FAM186B: variants seen among roughly 807,000 people sequenced by gnomAD.
The protein encoded by FAM186B is family with sequence similarity 186 member B.
A neutral mutation model predicts 83.4 loss-of-function variants in FAM186B; 68 were observed. The observed-to-expected ratio is 0.81, with a 90% CI of 0.67 to 1.00. FAM186B has a LOEUF of 1.00. Among genes scored for constraint, FAM186B ranks in the 50% least tolerant of loss-of-function variants. FAM186B has a pLI of 0.00. For missense variants in FAM186B, 983 were observed against 1,099.2 expected (o/e 0.89, Z 1.49); for synonymous variants, 389 against 422.0 (o/e 0.92, Z 0.96).
At position 49,599,912 on chromosome 12, in the gene FAM186B, T is replaced by A. The variant is rs569309521; in HGVS notation, c.1728A>T (p.Leu576Phe). 1 of 1,613,224 alleles carries A rather than the reference T, an allele frequency of 6.2e-7. No individual in the cohort carries two copies. Among genetic ancestry groups the A allele is most frequent in the East Asian group, 2.2e-5 (1 of 44,878 alleles). ...WRDLEKAELS[L>F]VPAPSRTQSA... Reference sequence around the variant, plus strand: ...ATTGGGTCCGGCTTGGGGCAGGCACTAATGATAGCTCTGCCTTCTCCAAGT... The same window carrying A: ...ATTGGGTCCGGCTTGGGGCAGGCACAAATGATAGCTCTGCCTTCTCCAAGT... Residue 576 changes from leucine to phenylalanine, a missense_variant, in exon 4 of 7, where the codon TTA (leucine) becomes TTT (phenylalanine). Coordinates refer to ENST00000257894, the MANE Select transcript of FAM186B (RefSeq NM_032130.3).
chr12:49,596,562 A>G (rs542702915), intron 5 of FAM186B, among the ~76,000 whole-genome samples: 1 of 152,268 alleles, frequency 6.6e-6, no homozygotes, highest in South Asian at 2.1e-4. Flanking sequence ...GGGAAATGCA[A>G]ATCAAAACCA....
In FAM186B at chr12:49,600,450, A is replaced by G. The variant is rs1440235108; in HGVS notation, c.1190T>C (p.Val397Ala). 1 of 1,613,244 alleles carries G rather than the reference A, an allele frequency of 6.2e-7. No homozygotes were observed. Among genetic ancestry groups the G allele is most frequent in the East Asian group, 2.2e-5 (1 of 44,876 alleles). ...AGHQPLSTMT[V>A]RSRVADVFGS... ...GAACACATCTGCGACCCTCGAGCGC[A>G]CAGTCATGGTGGAAAGTGGCTGGTG... The change falls in exon 4 of 7, where the codon GTG becomes GCG. Residue 397 changes from valine to alanine, a missense_variant. Physicochemically the swap from Val to Ala is moderately conservative, Grantham distance 64. Transcript: ENST00000257894. This position sits in a 1 kb window ranked among gnomAD's most constrained non-coding sequence, Gnocchi z 4.3.
the FAM186B span, among the ~76,000 whole-genome samples, chr12:49,619,932 G>A: frequency 7.9e-5 from 12 of 151,778 alleles, no homozygotes; most frequent in African/African-American, 1.9e-4. Context: ...CACCCACCTC[G>A]GCCTCCCAAA....
upstream of FAM186B, among the ~76,000 whole-genome samples, chr12:49,606,486 G>GATAC (rs755611822): frequency 5.9e-5 from 8 of 135,994 alleles, no homozygotes; most frequent in African/African-American, 2.2e-4. Context: ...TAGATACCCT[G>GATAC]ACACACACAC....
In FAM186B at chr12:49,603,358, A is replaced by G; in HGVS notation, c.332T>C (p.Leu111Pro). 1 of 1,614,182 alleles carries G rather than the reference A, an allele frequency of 6.2e-7. No homozygotes were observed. The highest frequency in any genetic ancestry group is 8.5e-7 in the Non-Finnish European group (1 of 1,180,048). The stretch of plus-strand genomic sequence containing the variant: ...CTTCCTGGGCCCAATCTCATAGGTC[A>G]GAGTGTCACCTGGAGAAGGGATGGG... ...LRWLGDWGDT[L>P]TYEIGPRKSE... The change falls in exon 3 of 7, where the codon CTG (leucine) becomes CCG (proline). Residue 111 changes from leucine (L) to proline (P), a missense_variant. Coordinates refer to ENST00000257894, the MANE Select transcript of FAM186B (RefSeq NM_032130.3).
rs778422826 is a variant in FAM186B at position 49,600,739 on chromosome 12, C to T, written c.901G>A (p.Gly301Arg). The T allele has an allele frequency of 6.2e-6, 10 of 1,614,022 alleles. No homozygotes were observed. The highest frequency in any genetic ancestry group is 8.5e-6 in the Non-Finnish European group (10 of 1,179,994). Residue 301 changes from glycine (G) to arginine (R), a missense_variant, in exon 4 of 7, where the codon GGG (glycine) becomes AGG (arginine). Coordinates refer to ENST00000257894, the MANE Select transcript of FAM186B (RefSeq NM_032130.3). The surrounding 1 kb of genome is among the most constrained non-coding windows in gnomAD (Gnocchi z 4.3). ...AGGAGAAGGTCATGGTACCTTCCCC[C>T]TAAGATCTCTACCTGCTTCAGCAGA... ...DALLKQVEIL[G>R]GRYHDLLLMK...
chr12:49,617,927 AC>A, the FAM186B span, among the ~76,000 whole-genome samples: 5 of 152,152 alleles, frequency 3.3e-5, no homozygotes, highest in Admixed American at 3.3e-4. Context: ...CAGCGGCAGA[AC>A]TCTATGGCAA....
At chr12:49,606,837 C>A (rs925798257), upstream of FAM186B, among the ~76,000 whole-genome samples, 1 of 152,154 alleles carries the variant, frequency 6.6e-6, no homozygotes, top group Non-Finnish European at 1.5e-5. Context: ...ATTCCCTACG[C>A]ATATGGAACA....
chr12:49,604,623 G>C, intron 1 of FAM186B, 85 bp from the exon 2 acceptor site: 1 of 1,087,484 alleles, frequency 9.2e-7, no homozygotes, highest in South Asian at 1.4e-5. Flanking sequence ...TGGACAAGTC[G>C]CTTAGCCTCT....
chr12:49,603,372 A>G lies in FAM186B; in HGVS notation c.323-5T>C, dbSNP rs202214677. The G allele has an allele frequency of 9.3e-6, 15 of 1,613,886 alleles. No individual in the cohort carries two copies. Among genetic ancestry groups the G allele is most frequent in the African/African-American group, 2.7e-5 (2 of 74,888 alleles). ...TCTCATAGGTCAGAGTGTCACCTGG[A>G]GAAGGGATGGGAGGTGCAGGCTGAG... is the stretch of plus-strand genomic sequence containing the variant. On this transcript the variant is annotated splice_polypyrimidine_tract_variant and splice_region_variant and intron_variant, in intron 2 of 6. Coordinates refer to ENST00000257894, the MANE Select transcript of FAM186B (RefSeq NM_032130.3).
At chr12:49,598,664 C>T in intron 5 of FAM186B, 91 bp downstream of exon 5, 2 of 1,197,330 alleles carry the variant, frequency 1.7e-6, no homozygotes, top group Non-Finnish European at 2.3e-6. Context: ...GTCTCAGCCA[C>T]ATCCCCACGG....
At chr12:49,609,016 C>G (rs1940060074), upstream of FAM186B, among the ~76,000 whole-genome samples, 1 of 152,164 alleles carries the variant, frequency 6.6e-6, no homozygotes, top group South Asian at 2.1e-4. Context: ...GCATTTTAGT[C>G]TTGGGCCAGA....
intron 5 of FAM186B, among the ~76,000 whole-genome samples, chr12:49,597,189 A>C (rs1460352270): frequency 6.6e-6 from 1 of 152,236 alleles, no homozygotes; most frequent in Non-Finnish European, 1.5e-5. Flanking sequence ...TAATGTTCAC[A>C]CAACAAAAAA....
intron 3 of FAM186B, among the ~76,000 whole-genome samples, chr12:49,601,587 A>G (rs1425617494): frequency 6.6e-6 from 1 of 151,298 alleles, no homozygotes; most frequent in South Asian, 2.1e-4. Flanking sequence ...TGGAGAATTT[A>G]TCACATGGTC....
intron 5 of FAM186B, among the ~76,000 whole-genome samples, chr12:49,596,304 T>C: frequency 8.1e-6 from 1 of 123,358 alleles, no homozygotes; most frequent in African/African-American, 3.3e-5. Context: ...GCCTCGGCAA[T>C]ATAGTGAGAC....
At chr12:49,586,080 T>G (rs1050484026), downstream of FAM186B, among the ~76,000 whole-genome samples, 1 of 152,200 alleles carries the variant, frequency 6.6e-6, no homozygotes, top group Non-Finnish European at 1.5e-5. Flanking sequence ...AGGCTCTGCC[T>G]CTGCACCTGG....
chr12:49,603,491 G>A, intron 2 of FAM186B, 124 bp from the exon 3 acceptor site: 1 of 904,880 alleles, frequency 1.1e-6, no homozygotes, highest in Non-Finnish European at 1.7e-6. Context: ...TACTAGCTAT[G>A]TGATGTTGGG....
Position 49,603,195 on chromosome 12 carries a change from T to C in FAM186B, c.495A>G (p.Lys165=). Reference sequence around the variant, plus strand: ...GCTCCTAGAACCTACCTTGTGACCTTTTCTTTTGTCCTTCAATGAGAGTGG... The same window carrying C: ...GCTCCTAGAACCTACCTTGTGACCTCTTCTTTTGTCCTTCAATGAGAGTGG... ...LCSTLIEGQK[K]RSQVSKRTFW... is the part of the protein sequence containing the mutation. The change falls in exon 3 of 7, where the codon AAA becomes AAG. Residue 165 remains lysine (K), a synonymous_variant. Transcript: ENST00000257894. 2 of 1,614,210 alleles carry C rather than the reference T, an allele frequency of 1.2e-6. No individual in the cohort carries two copies. The highest frequency in any genetic ancestry group is 1.7e-6 in the Non-Finnish European group (2 of 1,180,042).
chr12:49,615,460 A>G, the FAM186B span, among the ~76,000 whole-genome samples: 1 of 152,252 alleles, frequency 6.6e-6, no homozygotes, highest in African/African-American at 2.4e-5. Context: ...CAAGAAGACA[A>G]ACAACCCAAG....
Sources: gnomAD v4.1 joint callset for allele counts (sites outside exome capture counted in the v4.1 genomes callset) on GRCh38, gnomAD v4.1.1 for gene constraint, Gnocchi (gnomAD v3.1) non-coding constraint, MANE v1.5 for transcripts, NCBI Gene and HGNC (gene_info 2026-07-23, HGNC 2026-07-21) for gene names.